The following KMT2C variants were observed in gnomAD, a reference collection of about 807,000 sequenced individuals.
KMT2C encodes histone-lysine N-methyltransferase 2C.
A neutral mutation model predicts 507.9 loss-of-function variants in KMT2C; 88 were observed. That is an observed-to-expected ratio of 0.17 (90% CI 0.15 to 0.21). The LOEUF (loss-of-function observed/expected upper bound fraction) is 0.21. Ranked by LOEUF, KMT2C falls within the 10% of genes least tolerant of loss-of-function variation. The pLI, the probability that KMT2C is intolerant of heterozygous loss-of-function variation, is 1.00. For missense variants in KMT2C, 4,954 were observed against 5,957.8 expected, an observed-to-expected ratio of 0.83 and a Z score of 5.55; for synonymous variants, 2,049 against 2,080.8, an observed-to-expected ratio of 0.98 and a Z score of 0.42.
chr7:152,161,450 C>A (rs533297697), intron 43 of KMT2C, among the ~76,000 whole-genome samples: 1 of 152,194 alleles, frequency 6.6e-6, no homozygotes, highest in East Asian at 1.9e-4. Context: ...ATTAAGCAGA[C>A]CAATTCCCAT....
In KMT2C at chr7:152,235,796, T is replaced by A. The variant is rs768620753; in HGVS notation, c.2769+21A>T. ...TAACTGACATTTAGATTAGAGAAAA[T>A]ATACATGAAGCAAGCCTCACCCCAG... is the stretch of plus-strand genomic sequence containing the variant. On this transcript the variant is annotated intron_variant, in intron 16 of 58. Transcript: ENST00000262189. The A allele has an allele frequency of 3.6e-6, 5 of 1,400,132 alleles. No homozygotes were observed. The East Asian group carries it at 9.2e-5, about 26-fold the overall frequency. 86.7% of individuals were successfully genotyped at this position (1,400,132 alleles called of 1,614,324 possible). A position where few individuals can be genotyped will look rare whatever the true frequency, so the allele number is the denominator to read the frequency against.
intron 22 of KMT2C, among the ~76,000 whole-genome samples, 175 bp from the exon 23 acceptor site, chr7:152,220,910 T>C (rs2094745061): frequency 6.6e-6 from 1 of 152,214 alleles, no homozygotes; most frequent in South Asian, 2.1e-4. Context: ...CTATGAACAA[T>C]AGGTCAAATT....
In KMT2C at chr7:152,434,970, A is replaced by G. The variant is rs185569678; in HGVS notation, c.161+656T>C. Among the ~76,000 whole-genome samples, 55 of 152,242 alleles carry G rather than the reference A, an allele frequency of 3.6e-4. 1 individual carries two copies. The East Asian group carries it at 8.9e-3, about 25-fold the overall frequency. ...CCGTTCCCCGAAGCTGGGGGATCCC[A>G]CAGGACTTGTGCTTTCGGAGCCCGG... On this transcript the variant is annotated intron_variant, in intron 1 of 58. Transcript: ENST00000262189.
chr7:152,398,480 A>G (rs2097550401), intron 1 of KMT2C, among the ~76,000 whole-genome samples: 1 of 152,242 alleles, frequency 6.6e-6, no homozygotes, highest in Admixed American at 6.5e-5. Context: ...TACCCATAAC[A>G]AAAGTCAAGG....
intron 6 of KMT2C, among the ~76,000 whole-genome samples, chr7:152,276,877 G>A (rs1363870669): frequency 1.3e-5 from 2 of 152,138 alleles, no homozygotes; most frequent in African/African-American, 4.8e-5. Context: ...AAAAGACAGG[G>A]AGTAAGAAAA....
intron 31 of KMT2C, among the ~76,000 whole-genome samples, chr7:152,193,479 A>G (rs564227120): frequency 1.3e-5 from 2 of 152,352 alleles, no homozygotes; most frequent in East Asian, 3.9e-4. Flanking sequence ...GGCAGGGCAT[A>G]TAAGCAAGAC....
chr7:152,216,312 A>G (rs1002098830), intron 23 of KMT2C, among the ~76,000 whole-genome samples: 4 of 152,212 alleles, frequency 2.6e-5, no homozygotes, highest in African/African-American at 9.6e-5. Context: ...TTTGTTTCTG[A>G]TACACCAAAG....
At chr7:152,159,980 T>C (rs1255367756) in intron 43 of KMT2C, among the ~76,000 whole-genome samples, 1 of 152,248 alleles carries the variant, frequency 6.6e-6, no homozygotes, top group Admixed American at 6.5e-5. Flanking sequence ...ATAAATATTG[T>C]AAGCCTCTGT....
At chr7:152,418,782 T>A (rs1038608755) in intron 1 of KMT2C, among the ~76,000 whole-genome samples, 2 of 151,956 alleles carry the variant, frequency 1.3e-5, no homozygotes, top group Non-Finnish European at 2.9e-5. Context: ...TTATAAAAGA[T>A]TAACAATACG....
chr7:152,207,505 AG>A (rs1227380922), intron 23 of KMT2C, 77 bp from the exon 24 acceptor site: 1 of 1,361,752 alleles, frequency 7.3e-7, no homozygotes, highest in African/African-American at 1.5e-5. Context: ...GGGAATAAAA[AG>A]TAGGGTTGTT....
intron 9 of KMT2C, among the ~76,000 whole-genome samples, chr7:152,256,978 C>A (rs1406807573): frequency 6.6e-6 from 1 of 152,140 alleles, no homozygotes; most frequent in Non-Finnish European, 1.5e-5. Context: ...TGTGTACACT[C>A]CTGAGGCAAT....
intron 1 of KMT2C, among the ~76,000 whole-genome samples, chr7:152,433,232 T>A (rs910064422): frequency 1.3e-5 from 2 of 152,160 alleles, no homozygotes; most frequent in African/African-American, 4.8e-5. Context: ...ACTTAAAATA[T>A]CTCTATGAGA....
intron 48 of KMT2C, 117 bp from the exon 49 acceptor site, chr7:152,153,071 C>A: frequency 7.7e-7 from 1 of 1,306,348 alleles, no homozygotes; most frequent in Non-Finnish European, 1.0e-6. Context: ...TAAGAAAATC[C>A]AACAAATTTT....
At chr7:152,323,709 G>C (rs184907913) in intron 3 of KMT2C, among the ~76,000 whole-genome samples, 4 of 144,278 alleles carry the variant, frequency 2.8e-5, no homozygotes, top group Non-Finnish European at 4.5e-5. Context: ...AAGGAAGGAA[G>C]GGAAGGAGGG....
At position 152,289,075 on chromosome 7, in the gene KMT2C, C is replaced by A. The variant is rs531454137; in HGVS notation, c.850-15208G>T. ...AAGGAGAATGATAAAAAGAAGGATT[C>A]TCAGAACATCCTGAAGGAAGAAAGA... is the stretch of plus-strand genomic sequence containing the variant. On this transcript the variant is annotated intron_variant, in intron 6 of 58. Coordinates refer to ENST00000262189, the MANE Select transcript of KMT2C (RefSeq NM_170606.3). 3.9e-4 allele frequency among the ~76,000 whole-genome samples: 59 copies of A among 152,418 alleles called. No individual in the cohort carries two copies. The East Asian group carries it at 9.4e-3, about 24-fold the overall frequency.
chr7:152,263,518 G>A (rs191218624), intron 8 of KMT2C, among the ~76,000 whole-genome samples: 4 of 152,318 alleles, frequency 2.6e-5, no homozygotes, highest in East Asian at 1.9e-4. Context: ...GTCGTATAAC[G>A]TAAAGAGGAT....
At chr7:152,147,934 AAACT>A (rs2129094777) in intron 52 of KMT2C, 95 bp downstream of exon 52, 2 of 1,286,752 alleles carry the variant, frequency 1.6e-6, no homozygotes, top group Non-Finnish European at 2.1e-6. Flanking sequence ...ATAAAATATA[AAACT>A]AACATGAGAC....
At chr7:152,362,381 C>G (rs1180742482) in intron 1 of KMT2C, among the ~76,000 whole-genome samples, 1 of 151,884 alleles carries the variant, frequency 6.6e-6, no homozygotes, top group African/African-American at 2.4e-5. Context: ...GGCATGAGGT[C>G]TAAGAATTTT....
intron 6 of KMT2C, among the ~76,000 whole-genome samples, chr7:152,296,942 C>A (rs764147115): frequency 1.2e-4 from 17 of 146,466 alleles, no homozygotes; most frequent in African/African-American, 4.0e-4. Flanking sequence ...GAGTTTGAGA[C>A]CAGCCTGACA....
Sources: allele counts gnomAD v4.1 joint callset (sites outside exome capture counted in the v4.1 genomes callset), GRCh38; gene constraint gnomAD v4.1.1; transcripts MANE v1.5; gene names NCBI Gene and HGNC (gene_info 2026-07-23, HGNC 2026-07-21).